The following MSI2 variants were observed in gnomAD, a reference collection of about 807,000 sequenced individuals.
MSI2 encodes the protein musashi RNA binding protein 2, also known as RNA-binding protein Musashi homolog 2.
In MSI2, 17 loss-of-function variants were observed where a neutral mutation model predicts 45.6. The observed-to-expected ratio is 0.37, with a 90% CI of 0.26 to 0.56. The LOEUF is 0.56. Among genes scored for constraint, MSI2 ranks in the 20% least tolerant of loss-of-function variants. The pLI is 0.77. For synonymous variants in MSI2, 156 were observed against 158.2 expected (o/e 0.99, Z 0.11); for missense variants, 293 against 444.2 (o/e 0.66, Z 3.06).
chr17:57,671,832 G>A (rs142616662), intron 11 of MSI2, among the ~76,000 whole-genome samples: 67 of 152,352 alleles, frequency 4.4e-4, no homozygotes, highest in Middle Eastern at 3.4e-3. Context: ...AGCCAGAGCC[G>A]TTGCTTTTTA....
intron 7 of MSI2, among the ~76,000 whole-genome samples, chr17:57,548,575 G>A (rs1289653137): frequency 1.3e-5 from 2 of 152,036 alleles, no homozygotes; most frequent in African/African-American, 2.4e-5. Flanking sequence ...ACTTGTCTGG[G>A]AGAAACAGGG....
chr17:57,493,270 G>T (rs2085912362), intron 6 of MSI2, among the ~76,000 whole-genome samples: 1 of 152,146 alleles, frequency 6.6e-6, no homozygotes, highest in Admixed American at 6.5e-5. Flanking sequence ...CCTTTGCATT[G>T]TCCGAAGAAA....
At chr17:57,363,298 AG>A (rs1916954960) in intron 5 of MSI2, among the ~76,000 whole-genome samples, 1 of 152,226 alleles carries the variant, frequency 6.6e-6, no homozygotes, top group South Asian at 2.1e-4. Flanking sequence ...TTCCTAGAGC[AG>A]TCAAATCCAT....
intron 5 of MSI2, among the ~76,000 whole-genome samples, chr17:57,331,261 T>C (rs979641044): frequency 6.6e-6 from 1 of 152,198 alleles, no homozygotes; most frequent in Non-Finnish European, 1.5e-5. Context: ...TGAAACTTCT[T>C]GAAGAACTGG....
At chr17:57,388,533 G>A (rs1362067048) in intron 5 of MSI2, among the ~76,000 whole-genome samples, 1 of 152,194 alleles carries the variant, frequency 6.6e-6, no homozygotes, top group Admixed American at 6.5e-5. Flanking sequence ...GCCCGCATGC[G>A]GGTTGCTTAG....
intron 13 of MSI2, among the ~76,000 whole-genome samples, chr17:57,678,187 A>G (rs1178066321): frequency 6.6e-6 from 1 of 152,160 alleles, no homozygotes; most frequent in African/African-American, 2.4e-5. Flanking sequence ...AACTGGGTTG[A>G]GTTGAGCTCC....
intron 6 of MSI2, among the ~76,000 whole-genome samples, chr17:57,467,302 G>A (rs1250762260): frequency 6.6e-6 from 1 of 152,240 alleles, no homozygotes; most frequent in African/African-American, 2.4e-5. Flanking sequence ...CTGGGATATG[G>A]TGCATTCTTG....
At chr17:57,440,194 C>T (rs996749534) in intron 6 of MSI2, among the ~76,000 whole-genome samples, 1 of 152,038 alleles carries the variant, frequency 6.6e-6, no homozygotes, top group Non-Finnish European at 1.5e-5. Context: ...CGATGGGTGC[C>T]CTGTGCTCTA....
Position 57,679,952 on chromosome 17 carries a change from A to ATT in MSI2, c.*443_*444dup, listed in dbSNP as rs35099114. The ATT allele has an allele frequency of 6.2e-3, 1,306 of 212,042 alleles. 8 individuals carry two copies. Among genetic ancestry groups the ATT allele is most frequent in the African/African-American group, 0.018 (788 of 44,302 alleles). The allele number at this position is 212,042 out of a possible 1,614,324, so 13.1% of individuals were successfully genotyped here. Reference sequence around the variant, plus strand: ...TTAAGGAGTTATTTTTTCTTAAAACATTTTTTTTTGCTTGTTTTGGTTCTG... The same window carrying ATT: ...TTAAGGAGTTATTTTTTCTTAAAACATTTTTTTTTTTGCTTGTTTTGGTTCTG... On this transcript the variant is annotated 3_prime_UTR_variant, in exon 14 of 14. Coordinates refer to ENST00000284073, the MANE Select transcript of MSI2 (RefSeq NM_138962.4).
intron 6 of MSI2, among the ~76,000 whole-genome samples, chr17:57,437,548 G>T: frequency 6.6e-6 from 1 of 152,184 alleles, no homozygotes; most frequent in Non-Finnish European, 1.5e-5. Context: ...GTTTTCAGCG[G>T]GTTGCCAGGT....
chr17:57,423,382 A>G (rs2084431974), intron 6 of MSI2, among the ~76,000 whole-genome samples: 1 of 152,178 alleles, frequency 6.6e-6, no homozygotes, highest in Non-Finnish European at 1.5e-5. Context: ...TTCCTTTGTG[A>G]TCTTGGGCCT....
chr17:57,276,693 C>A (rs1908875718), intron 5 of MSI2, among the ~76,000 whole-genome samples: 1 of 152,198 alleles, frequency 6.6e-6, no homozygotes, highest in Non-Finnish European at 1.5e-5. Flanking sequence ...GCCTCAGTTT[C>A]CTTTTTTGTA....
chr17:57,500,270 AG>A (rs1414254116), intron 6 of MSI2, among the ~76,000 whole-genome samples: 1 of 152,036 alleles, frequency 6.6e-6, no homozygotes, highest in African/African-American at 2.4e-5. Flanking sequence ...TCATATCCTG[AG>A]GGATGTGAGA....
At chr17:57,644,199 A>G (rs1910469681) in intron 10 of MSI2, among the ~76,000 whole-genome samples, 1 of 148,624 alleles carries the variant, frequency 6.7e-6, no homozygotes, top group Non-Finnish European at 1.5e-5. Context: ...AATGCCAAGG[A>G]CGCCAGGGTA....
At chr17:57,257,324 C>A in intron 2 of MSI2, 142 bp from the exon 3 acceptor site, 1 of 602,480 alleles carries the variant, frequency 1.7e-6, no homozygotes, top group African/African-American at 2.0e-5. Flanking sequence ...CCGAATTTCC[C>A]CCGCGTGTGC....
At chr17:57,281,577 C>T (rs913578465) in intron 5 of MSI2, among the ~76,000 whole-genome samples, 2 of 152,184 alleles carry the variant, frequency 1.3e-5, no homozygotes, top group South Asian at 2.1e-4. Flanking sequence ...GCTCTTTCTT[C>T]GAGCAGAACC....
At chr17:57,486,281 A>G (rs2085753580) in intron 6 of MSI2, among the ~76,000 whole-genome samples, 1 of 152,248 alleles carries the variant, frequency 6.6e-6, no homozygotes, top group Admixed American at 6.5e-5. Flanking sequence ...TGAATTTACA[A>G]GGGGCTCTCT....
At chr17:57,590,958 G>A (rs2144419430) in intron 7 of MSI2, among the ~76,000 whole-genome samples, 1 of 152,308 alleles carries the variant, frequency 6.6e-6, no homozygotes, top group East Asian at 1.9e-4. Flanking sequence ...ATGAGCAGTG[G>A]ATGTTCACAG....
In MSI2 at chr17:57,262,199, AG is replaced by A. The variant is rs1259570997; in HGVS notation, c.312+9del. The stretch of plus-strand genomic sequence containing the variant: ...TCGTCGAGCGCAACCCAAGGTAAGT[AG>A]GAGAATAAACAGTAGGATTTTAGCA... On this transcript the variant is annotated splice_region_variant and intron_variant, in intron 5 of 13. Coordinates refer to ENST00000284073, the MANE Select transcript of MSI2 (RefSeq NM_138962.4). 1.2e-6 allele frequency: 2 copies of A among 1,614,020 alleles called. No homozygotes were observed. The highest frequency in any genetic ancestry group is 1.7e-6 in the Non-Finnish European group (2 of 1,179,940).
Sources: gnomAD v4.1 joint callset for allele counts (sites outside exome capture counted in the v4.1 genomes callset) on GRCh38, gnomAD v4.1.1 for gene constraint, MANE v1.5 for transcripts, NCBI Gene and HGNC (gene_info 2026-07-23, HGNC 2026-07-21) for gene names.